SCUBE1: variants seen among roughly 807,000 people sequenced by gnomAD.
SCUBE1 encodes signal peptide, CUB domain and EGF like domain containing 1.
A neutral mutation model predicts 124.4 loss-of-function variants in SCUBE1; 59 were observed. The observed-to-expected ratio is 0.47, with a 90% CI of 0.38 to 0.59. SCUBE1 has a LOEUF of 0.59. Among genes scored for constraint, SCUBE1 ranks in the 20% least tolerant of loss-of-function variants. SCUBE1 has a pLI of 0.00. For synonymous variants in SCUBE1, 545 were observed against 550.9 expected (o/e 0.99, Z 0.15); for missense variants, 1,150 against 1,371.2 (o/e 0.84, Z 2.55).
intron 6 of SCUBE1, chr22:43,239,155 A>C: frequency 1.7e-6 from 1 of 597,446 alleles, no homozygotes; most frequent in Non-Finnish European, 3.0e-6. Flanking sequence ...AAATGGGGGA[A>C]TGACACCATT....
At position 43,258,296 on chromosome 22, in the gene SCUBE1, C is replaced by T; in HGVS notation, c.650G>A (p.Cys217Tyr). 2 of 1,614,154 alleles carry T rather than the reference C, an allele frequency of 1.2e-6. No homozygotes were observed. The highest frequency in any genetic ancestry group is 1.7e-6 in the Non-Finnish European group (2 of 1,179,978). ...CGTGGGGCCTGTGTCTGTGTCCTCACAGCTGTGCTGGCAGCCTCCGTTTCC... is the reference window on the plus strand; with the variant it reads ...CGTGGGGCCTGTGTCTGTGTCCTCATAGCTGTGCTGGCAGCCTCCGTTTCC... ...NYGNGGCQHS[C>Y]EDTDTGPTCG... Residue 217 changes from cysteine (C) to tyrosine (Y), a missense_variant, in exon 6 of 22, where the codon TGT becomes TAT. By Grantham distance (194) the Cys-to-Tyr change is radical. This residue lies in a region of SCUBE1 where 337 missense variants were observed against 482.1 expected (regional missense o/e 0.70). Transcript: ENST00000360835. This position sits in a 1 kb window ranked among gnomAD's most constrained non-coding sequence, Gnocchi z 5.0.
At chr22:43,308,543 C>T (rs913651302) in intron 3 of SCUBE1, among the ~76,000 whole-genome samples, 13 of 152,210 alleles carry the variant, frequency 8.5e-5, no homozygotes, top group African/African-American at 2.4e-4. Flanking sequence ...CTCGAGCCTT[C>T]GTTAGGGGTT....
chr22:43,318,128 A>G (rs1926414749), intron 3 of SCUBE1: 1 of 152,204 alleles, frequency 6.6e-6, no homozygotes, highest in African/African-American at 2.4e-5. Flanking sequence ...TTACTTTGTC[A>G]TGGCAGCCCC....
At chr22:43,312,306 G>A (rs1170669693) in intron 3 of SCUBE1, among the ~76,000 whole-genome samples, 2 of 152,240 alleles carry the variant, frequency 1.3e-5, no homozygotes, top group South Asian at 4.1e-4. Context: ...ATGTAACTGT[G>A]TGGCGTGGGT....
Position 43,223,174 on chromosome 22 carries a change from G to GC in SCUBE1, c.1249dup (p.Ala417GlyfsTer31). Reference sequence around the variant, plus strand: ...GCCTGCCTTGCTGCAGGACAGCTGGGCCCGGGGGGAGGTCTTGGCGCGAGA... The same window carrying GC: ...GCCTGCCTTGCTGCAGGACAGCTGGGCCCCGGGGGGAGGTCTTGGCGCGAGA... On this transcript the variant is annotated frameshift_variant, in exon 11 of 22. Transcript: ENST00000360835. LOFTEE classifies it high-confidence loss of function. 6.4e-7 allele frequency: 1 copy of GC among 1,573,074 alleles called. No individual in the cohort carries two copies. Among genetic ancestry groups the GC allele is most frequent in the Non-Finnish European group, 8.6e-7 (1 of 1,167,938 alleles).
At chr22:43,239,578 C>G (rs936135694) in intron 6 of SCUBE1, among the ~76,000 whole-genome samples, 3 of 152,242 alleles carry the variant, frequency 2.0e-5, no homozygotes, top group African/African-American at 7.2e-5. Flanking sequence ...CTCCAAAATT[C>G]AAAGGGGCTA....
rs1923922192 is a variant in SCUBE1, at chr22:43,262,845, T to C, written c.485A>G (p.Glu162Gly). Residue 162 changes from glutamate to glycine, a missense_variant and splice_region_variant, in exon 5 of 22, where the codon GAG (glutamate) becomes GGG (glycine). Around this residue, in one of 3 missense-constraint regions of SCUBE1, gnomAD observed 337 missense variants for 482.1 expected, o/e 0.70. Coordinates refer to ENST00000360835, the MANE Select transcript of SCUBE1 (RefSeq NM_173050.5). ...NQHTCIHRSNEGMNCMNKDHG... is the reference protein window; with the variant it reads ...NQHTCIHRSNGGMNCMNKDHG... ...GTCTTTGTTCATGCAGTTCATACCC[T>C]CTGGGAAGAGAGACAGACAAGAGAC... 6 of 1,609,066 alleles carry C rather than the reference T, an allele frequency of 3.7e-6. No individual in the cohort carries two copies. Among genetic ancestry groups the C allele is most frequent in the Non-Finnish European group, 5.1e-6 (6 of 1,175,868 alleles).
At chr22:43,285,795 C>T (rs1254789116) in intron 4 of SCUBE1, among the ~76,000 whole-genome samples, 1 of 152,152 alleles carries the variant, frequency 6.6e-6, no homozygotes, top group African/African-American at 2.4e-5. Flanking sequence ...GGTTGGGCAC[C>T]CTGGAGGGCT....
intron 1 of SCUBE1, among the ~76,000 whole-genome samples, chr22:43,342,750 G>A (rs188661608): frequency 0.011 from 1,665 of 151,678 alleles, 43 homozygotes; most frequent in African/African-American, 0.038. Context: ...CCCCGTCCCG[G>A]TCTCTCGGTC....
chr22:43,254,609 C>A lies in SCUBE1; in HGVS notation c.727+3610G>T, dbSNP rs75369874. On this transcript the variant is annotated intron_variant, in intron 6 of 21. Transcript: ENST00000360835. ...GCCAGGGCACCCCAGAGAACCTTAGCCTCTTCCTCGGAGAAATGGAGACCG... is the reference window on the plus strand; with the variant it reads ...GCCAGGGCACCCCAGAGAACCTTAGACTCTTCCTCGGAGAAATGGAGACCG... 9.4e-3 allele frequency among the ~76,000 whole-genome samples: 1,425 copies of A among 152,290 alleles called. 25 individuals carry two copies. Among genetic ancestry groups the A allele is most frequent in the African/African-American group, 0.033 (1,374 of 41,556 alleles).
intron 2 of SCUBE1, among the ~76,000 whole-genome samples, chr22:43,329,061 G>T (rs1926818696): frequency 6.6e-6 from 1 of 152,218 alleles, no homozygotes; most frequent in Non-Finnish European, 1.5e-5. Flanking sequence ...GGGCCTGCGG[G>T]CCTTGTGAAG....
At chr22:43,314,982 T>C (rs887079402) in intron 3 of SCUBE1, among the ~76,000 whole-genome samples, 2 of 152,002 alleles carry the variant, frequency 1.3e-5, no homozygotes, top group African/African-American at 4.8e-5. Context: ...AGGGGCTGGG[T>C]AACTGTGGCT....
Position 43,262,403 on chromosome 22 carries a change from C to G in SCUBE1, c.610+317G>C, listed in dbSNP as rs1396882910. ...GGGCTTCCCAGGCCCATCGAGAAACCTGGTCCTGTAGACCTCTGTGCCACG... is the reference window on the plus strand; with the variant it reads ...GGGCTTCCCAGGCCCATCGAGAAACGTGGTCCTGTAGACCTCTGTGCCACG... On this transcript the variant is annotated intron_variant, in intron 5 of 21. Transcript: ENST00000360835. Among the ~76,000 whole-genome samples, 6 of 152,242 alleles carry G rather than the reference C, an allele frequency of 3.9e-5. No individual in the cohort carries two copies. The East Asian group carries it at 1.2e-3, about 29-fold the overall frequency.
chr22:43,228,516 G>A (rs993361942), intron 9 of SCUBE1, among the ~76,000 whole-genome samples: 3 of 152,134 alleles, frequency 2.0e-5, no homozygotes, highest in African/African-American at 7.2e-5. Context: ...CTCCCCTGCG[G>A]GCTCACGCAG....
At chr22:43,236,331 C>A (rs745890663) in intron 7 of SCUBE1, among the ~76,000 whole-genome samples, 24 of 152,216 alleles carry the variant, frequency 1.6e-4, no homozygotes, top group Admixed American at 6.5e-4. Flanking sequence ...TCTAGCCAGT[C>A]CCTTGGTGCT....
chr22:43,239,298 G>A (rs913547468), intron 6 of SCUBE1, among the ~76,000 whole-genome samples: 5 of 152,232 alleles, frequency 3.3e-5, no homozygotes, highest in Non-Finnish European at 5.9e-5. Context: ...TTAACTGCCC[G>A]AGGCTGGATT....
intron 2 of SCUBE1, among the ~76,000 whole-genome samples, chr22:43,334,042 C>T (rs866910664): frequency 1.3e-5 from 2 of 152,214 alleles, no homozygotes; most frequent in Admixed American, 1.3e-4. Context: ...TCAGTGAGAT[C>T]TGCAGGACAG....
intron 3 of SCUBE1, among the ~76,000 whole-genome samples, chr22:43,291,914 G>A (rs1925375180): frequency 1.3e-5 from 2 of 152,118 alleles, no homozygotes; most frequent in East Asian, 1.9e-4. Context: ...AAAGTCCTAC[G>A]TATGGTAAGT....
intron 6 of SCUBE1, among the ~76,000 whole-genome samples, chr22:43,249,786 CG>C (rs1923369028): frequency 6.6e-6 from 1 of 152,220 alleles, no homozygotes; most frequent in South Asian, 2.1e-4. Flanking sequence ...TGCAGCCACG[CG>C]GCCCAGAGGG....
Sources: gnomAD v4.1 joint callset for allele counts (sites outside exome capture counted in the v4.1 genomes callset) on GRCh38, gnomAD v4.1.1 for gene constraint, gnomAD v4.1.1 regional missense constraint, Gnocchi (gnomAD v3.1) non-coding constraint, MANE v1.5 for transcripts, NCBI Gene and HGNC (gene_info 2026-07-23, HGNC 2026-07-21) for gene names.